The following GGT5 variants were observed in gnomAD, a reference collection of about 807,000 sequenced individuals.
GGT5 encodes glutathione hydrolase 5 proenzyme.
Under a neutral mutation model 58.1 loss-of-function variants are expected in GGT5, and 50 were observed. The observed-to-expected ratio is 0.86, with a 90% CI of 0.69 to 1.09. The LOEUF is 1.09. GGT5 is among the 50% of genes least tolerant of loss of function. The probability of loss-of-function intolerance (pLI) is 0.00; values close to 1 mark genes in which losing one functional copy is unlikely to be tolerated. For synonymous variants in GGT5, 370 were observed against 346.1 expected, an observed-to-expected ratio of 1.07 and a Z score of -0.77; for missense variants, 800 against 789.4, an observed-to-expected ratio of 1.01 and a Z score of -0.16.
chr22:24,223,585 G>A (rs1309644486), intron 11 of GGT5, among the ~76,000 whole-genome samples: 1 of 151,986 alleles, frequency 6.6e-6, no homozygotes, highest in Admixed American at 6.6e-5. Flanking sequence ...ACAGGCTGAG[G>A]TCCTTAGTCT....
At chr22:24,231,645 C>G in intron 5 of GGT5, 115 bp from the exon 6 acceptor site, 1 of 1,093,144 alleles carries the variant, frequency 9.1e-7, no homozygotes, top group Non-Finnish European at 1.3e-6. Flanking sequence ...CTTGTGGACA[C>G]AGGATGATGG....
chr22:24,222,400 G>A (rs2047617936), intron 11 of GGT5, among the ~76,000 whole-genome samples: 1 of 152,094 alleles, frequency 6.6e-6, no homozygotes. Context: ...CCTTAGACTT[G>A]AAGGCCAAGA....
intron 1 of GGT5, among the ~76,000 whole-genome samples, chr22:24,235,509 A>T (rs1336012395): frequency 6.6e-6 from 1 of 151,994 alleles, no homozygotes; most frequent in African/African-American, 2.4e-5. Context: ...GTCCATCTGG[A>T]CACAAACCCA....
intron 1 of GGT5, among the ~76,000 whole-genome samples, chr22:24,238,899 AT>A (rs1448861746): frequency 0.03 from 347 of 11,500 alleles, 31 homozygotes; most frequent in Non-Finnish European, 0.04. Context: ...TTTTATATAT[AT>A]ATATATTATA....
At chr22:24,221,447 C>T (rs891697002) in intron 11 of GGT5, among the ~76,000 whole-genome samples, 9 of 152,136 alleles carry the variant, frequency 5.9e-5, no homozygotes, top group Non-Finnish European at 1.2e-4. Context: ...GGCCCCCACC[C>T]AGGAACGGAC....
chr22:24,243,200 C>T (rs933844466), intron 1 of GGT5: 4 of 152,164 alleles, frequency 2.6e-5, no homozygotes, highest in Non-Finnish European at 5.9e-5. Context: ...TTTGCAACTT[C>T]GAGTTTAAGT....
At chr22:24,227,859 G>C (rs572671980) in intron 6 of GGT5, among the ~76,000 whole-genome samples, 1 of 151,868 alleles carries the variant, frequency 6.6e-6, no homozygotes, top group Admixed American at 6.6e-5. Flanking sequence ...AGACCAGCCT[G>C]ACTAACATGG....
At chr22:24,227,810 C>T (rs2047811827) in intron 6 of GGT5, among the ~76,000 whole-genome samples, 1 of 151,900 alleles carries the variant, frequency 6.6e-6, no homozygotes, top group African/African-American at 2.4e-5. Context: ...ACCTGTAGTC[C>T]CAGCACTTTG....
rs2047706211 is a variant in GGT5, at chr22:24,225,005, G to A, written c.1605C>T (p.Asn535=). ...CGGACCTCAGCCTCACCTGGCTGAA[G>A]TTGGGCTCGTACTCCACACAGCCCT... ...NSKGCVEYEP[N]FSQEVQRGLQ... is the part of the protein sequence containing the mutation. The change falls in exon 11 of 12, where the codon AAC becomes AAT. Residue 535 remains asparagine, a synonymous_variant. Coordinates refer to ENST00000327365, the MANE Select transcript of GGT5 (RefSeq NM_004121.5). The A allele has an allele frequency of 1.3e-6, 2 of 1,588,466 alleles. No individual in the cohort carries two copies. Among genetic ancestry groups the A allele is most frequent in the Non-Finnish European group, 1.7e-6 (2 of 1,165,972 alleles).
Position 24,244,703 on chromosome 22 carries a change from G to A in GGT5, c.23C>T (p.Thr8Met), listed in dbSNP as rs763344394. MARGYGA[T>M]VSLVLLGLGL... is the part of the protein sequence containing the mutation. Reference sequence around the variant, plus strand: ...CAGACCCAGCAGGACTAGGCTGACCGTGGCCCCGTAGCCCCGGGCCATGGC... The same window carrying A: ...CAGACCCAGCAGGACTAGGCTGACCATGGCCCCGTAGCCCCGGGCCATGGC... The change falls in exon 1 of 12, where the codon ACG (threonine) becomes ATG (methionine). Residue 8 changes from threonine (T) to methionine (M), a missense_variant. Coordinates refer to ENST00000327365, the MANE Select transcript of GGT5 (RefSeq NM_004121.5). 225 of 1,611,678 alleles carry A rather than the reference G, an allele frequency of 1.4e-4. No homozygotes were observed. The highest frequency in any genetic ancestry group is 7.6e-4 in the Middle Eastern group (4 of 5,282).
At chr22:24,227,574 G>A (rs1170926584) in intron 6 of GGT5, among the ~76,000 whole-genome samples, 1 of 152,084 alleles carries the variant, frequency 6.6e-6, no homozygotes, top group Non-Finnish European at 1.5e-5. Flanking sequence ...TTTGAGAGGA[G>A]GAGATGATCC....
chr22:24,230,291 C>T (rs1415075551), intron 6 of GGT5, among the ~76,000 whole-genome samples: 6 of 151,690 alleles, frequency 4.0e-5, no homozygotes, highest in Non-Finnish European at 7.4e-5. Flanking sequence ...TTGCTTGTAC[C>T]TGGGAGGCAG....
In GGT5 at chr22:24,219,946, T is replaced by C. The variant is rs1048941039; in HGVS notation, c.*24A>G. ...CACAGGACTCATGGTGGGGCCAGAC[T>C]TCAGCTCTGGGCAGAGCAGTGTCTT... On this transcript the variant is annotated 3_prime_UTR_variant, in exon 12 of 12. Coordinates refer to ENST00000327365, the MANE Select transcript of GGT5 (RefSeq NM_004121.5). The C allele has an allele frequency of 4.3e-6, 7 of 1,612,068 alleles. No homozygotes were observed. The highest frequency in any genetic ancestry group is 1.7e-4 in the Middle Eastern group (1 of 5,958).
At chr22:24,234,035 G>T (rs759561052) in intron 1 of GGT5, 31 bp from the exon 2 acceptor site, 3 of 1,575,748 alleles carry the variant, frequency 1.9e-6, no homozygotes, top group Non-Finnish European at 1.7e-6. Flanking sequence ...TCGCTGTGGG[G>T]CTCCCCTCCC....
intron 6 of GGT5, among the ~76,000 whole-genome samples, chr22:24,228,274 A>G (rs2047835868): frequency 6.6e-6 from 1 of 151,804 alleles, no homozygotes; most frequent in South Asian, 2.1e-4. Flanking sequence ...ACTCCAGCCC[A>G]GGTGACAGAG....
intron 1 of GGT5, among the ~76,000 whole-genome samples, chr22:24,238,241 AAAAAAAGGCCAGGC>A (rs948419922): frequency 5.9e-5 from 9 of 151,362 alleles, no homozygotes; most frequent in African/African-American, 2.2e-4. Context: ...AAAAAAAAAA[AAAAAAAGGCCAGGC>A]GCGGTGACTC....
At chr22:24,244,471 C>T (rs1273895079) in intron 1 of GGT5, 82 bp downstream of exon 1, 77 of 373,246 alleles carry the variant, frequency 2.1e-4, no homozygotes, top group Non-Finnish European at 2.7e-4. Context: ...TACATTCACT[C>T]ACACACACAC....
intron 1 of GGT5, chr22:24,243,466 T>A (rs1190066354): frequency 2.0e-5 from 3 of 151,786 alleles, no homozygotes; most frequent in Non-Finnish European, 4.4e-5. Flanking sequence ...GATGGGGGAA[T>A]GGAGGGAAGA....
intron 11 of GGT5, among the ~76,000 whole-genome samples, chr22:24,221,243 C>T (rs1035948328): frequency 2.6e-5 from 4 of 152,174 alleles, no homozygotes; most frequent in African/African-American, 7.2e-5. Flanking sequence ...GCCTGGGCAC[C>T]AGACTGCCTT....
Sources: gnomAD v4.1 joint callset for allele counts (sites outside exome capture counted in the v4.1 genomes callset) on GRCh38, gnomAD v4.1.1 for gene constraint, MANE v1.5 for transcripts, NCBI Gene and HGNC (gene_info 2026-07-23, HGNC 2026-07-21) for gene names.